GALNT9: variants seen among roughly 807,000 people sequenced by gnomAD.
The protein encoded by GALNT9 is polypeptide N-acetylgalactosaminyltransferase 9, also known as GalNAc transferase 9.
In GALNT9, 47 loss-of-function variants were observed where a neutral mutation model predicts 63.1. The observed-to-expected ratio is 0.75, with a 90% confidence interval of 0.59 to 0.95. GALNT9 has a LOEUF of 0.95. Among genes scored for constraint, GALNT9 ranks in the 40% least tolerant of loss-of-function variants. The pLI, the probability that GALNT9 is intolerant of heterozygous loss-of-function variation, is 0.00. For synonymous variants in GALNT9, 396 were observed against 365.7 expected (o/e 1.08, Z -0.94); for missense variants, 829 against 874.8 (o/e 0.95, Z 0.66).
chr12:132,294,915 A>G (rs1168558583), intron 1 of GALNT9, among the ~76,000 whole-genome samples: 1 of 152,362 alleles, frequency 6.6e-6, no homozygotes, highest in East Asian at 1.9e-4. Context: ...GCGTGGCCTC[A>G]TATCTTCTTT....
At chr12:132,285,336 G>A (rs1237038210) in intron 2 of GALNT9, among the ~76,000 whole-genome samples, 10 of 152,276 alleles carry the variant, frequency 6.6e-5, no homozygotes, top group Admixed American at 3.9e-4. Flanking sequence ...GGACAGAGAC[G>A]CAGGAGGGGC....
chr12:132,225,065 C>A, intron 6 of GALNT9, among the ~76,000 whole-genome samples: 1 of 133,258 alleles, frequency 7.5e-6, no homozygotes, highest in Non-Finnish European at 1.6e-5. Flanking sequence ...TACACACCAC[C>A]CCCCCACACA....
chr12:132,220,439 G>A (rs529095125), intron 6 of GALNT9, among the ~76,000 whole-genome samples: 11 of 152,272 alleles, frequency 7.2e-5, no homozygotes, highest in African/African-American at 2.6e-4. Flanking sequence ...TCAAAAACAT[G>A]AGTTTATGGA....
chr12:132,230,891 T>G (rs1039312498), intron 6 of GALNT9, among the ~76,000 whole-genome samples: 5 of 152,232 alleles, frequency 3.3e-5, no homozygotes, highest in Non-Finnish European at 5.9e-5. Context: ...CAACCTCCAT[T>G]CGGGACGTCT....
At chr12:132,312,865 A>G (rs1566022189) in intron 1 of GALNT9, among the ~76,000 whole-genome samples, 1 of 152,134 alleles carries the variant, frequency 6.6e-6, no homozygotes, top group Non-Finnish European at 1.5e-5. Context: ...CAAGCCAAAG[A>G]TGAGGTTGTC....
rs907010063 is a variant in GALNT9 at position 132,303,346 on chromosome 12, G to A, written c.239-16916C>T. Reference sequence around the variant, plus strand: ...CTGCCCAGAATCCACCACCAAAAACGGAAGCAGAGGAGAGATGAGAAGCAG... The same window carrying A: ...CTGCCCAGAATCCACCACCAAAAACAGAAGCAGAGGAGAGATGAGAAGCAG... On this transcript the variant is annotated intron_variant, in intron 1 of 10. Transcript: ENST00000328957. 1.7e-4 allele frequency among the ~76,000 whole-genome samples: 26 copies of A among 151,456 alleles called. 1 individual carries two copies. The highest frequency in any genetic ancestry group is 3.4e-4 in the Non-Finnish European group (23 of 67,832).
chr12:132,197,674 AC>A, intron 10 of GALNT9, 117 bp downstream of exon 10: 1 of 769,022 alleles, frequency 1.3e-6, no homozygotes, highest in Non-Finnish European at 2.1e-6. Flanking sequence ...TCCCCTGACC[AC>A]CCCCTGCCGC....
intron 2 of GALNT9, among the ~76,000 whole-genome samples, chr12:132,270,220 C>T (rs1555240593): frequency 6.6e-6 from 1 of 152,230 alleles, no homozygotes; most frequent in Non-Finnish European, 1.5e-5. Context: ...CTGAGCTTGG[C>T]AACAGTGAGC....
intron 6 of GALNT9, among the ~76,000 whole-genome samples, chr12:132,211,352 A>C (rs1295454860): frequency 6.6e-6 from 1 of 152,138 alleles, no homozygotes; most frequent in African/African-American, 2.4e-5. Flanking sequence ...AATGCTTCCT[A>C]TTTTGACGAA....
At chr12:132,311,145 T>C (rs1171383920) in intron 1 of GALNT9, among the ~76,000 whole-genome samples, 2 of 152,102 alleles carry the variant, frequency 1.3e-5, no homozygotes, top group African/African-American at 4.8e-5. Context: ...AGGCCAGAAG[T>C]GAAGGGAAAA....
intron 5 of GALNT9, among the ~76,000 whole-genome samples, chr12:132,253,753 T>G (rs1879010852): frequency 1.3e-5 from 2 of 152,124 alleles, no homozygotes; most frequent in South Asian, 4.1e-4. Context: ...AAAAGTGAGG[T>G]GGTTATCCCT....
intron 1 of GALNT9, among the ~76,000 whole-genome samples, chr12:132,291,144 AACCACAGCACCCACG>A (rs1880812719): frequency 2.6e-5 from 1 of 38,944 alleles, no homozygotes; most frequent in African/African-American, 1.4e-4. Flanking sequence ...CAGCACCCAC[AACCACAGCACCCACG>A]TCCACAGCAC....
At chr12:132,261,813 C>T (rs1879399046) in intron 3 of GALNT9, among the ~76,000 whole-genome samples, 1 of 152,222 alleles carries the variant, frequency 6.6e-6, no homozygotes, top group Non-Finnish European at 1.5e-5. Flanking sequence ...AGATGGGGGA[C>T]AGGCCTGGGG....
At chr12:132,199,081 G>T in intron 9 of GALNT9, 93 bp downstream of exon 9, 1 of 808,042 alleles carries the variant, frequency 1.2e-6, no homozygotes, top group Non-Finnish European at 2.0e-6. Flanking sequence ...CACCCCAGCA[G>T]GCTGGACCCG....
intron 1 of GALNT9, among the ~76,000 whole-genome samples, chr12:132,313,779 CAT>C: frequency 1.4e-5 from 2 of 143,004 alleles, no homozygotes; most frequent in African/African-American, 2.7e-5. Flanking sequence ...GCCATCCATC[CAT>C]ACATCCACCC....
At chr12:132,318,348 G>A (rs917973134) in intron 1 of GALNT9, among the ~76,000 whole-genome samples, 5 of 152,256 alleles carry the variant, frequency 3.3e-5, no homozygotes, top group Non-Finnish European at 2.9e-5. Flanking sequence ...CAGAACGAGA[G>A]ACAAGGTGGG....
At chr12:132,304,454 C>T (rs1424189916) in intron 1 of GALNT9, among the ~76,000 whole-genome samples, 9 of 64,374 alleles carry the variant, frequency 1.4e-4, no homozygotes, top group African/African-American at 4.6e-4. Context: ...CACCCTCGCC[C>T]GGGCACAGCC....
At chr12:132,204,989 C>T (rs1448574232) in intron 6 of GALNT9, among the ~76,000 whole-genome samples, 1 of 152,102 alleles carries the variant, frequency 6.6e-6, no homozygotes, top group Non-Finnish European at 1.5e-5. Context: ...TGCCCCGTTC[C>T]CTCCGCGGTG....
chr12:132,327,888 C>A lies in GALNT9; in HGVS notation c.238+1078G>T, dbSNP rs544362687. The stretch of plus-strand genomic sequence containing the variant: ...CCTGAAGGAAACGCAAGACCACCCC[C>A]CGCCTTTGCCCCCACACACAGCAGG... On this transcript the variant is annotated intron_variant, in intron 1 of 10. Coordinates refer to ENST00000328957, the MANE Select transcript of GALNT9 (RefSeq NM_001122636.2). The surrounding 1 kb of genome is among the most constrained non-coding windows in gnomAD (Gnocchi z 4.3). Among the ~76,000 whole-genome samples, 8 of 151,908 alleles carry A rather than the reference C, an allele frequency of 5.3e-5. No homozygotes were observed. Among genetic ancestry groups the A allele is most frequent in the Admixed American group, 1.3e-4 (2 of 15,258 alleles).
Sources: allele counts gnomAD v4.1 joint callset (sites outside exome capture counted in the v4.1 genomes callset), GRCh38; gene constraint gnomAD v4.1.1; non-coding constraint Gnocchi (gnomAD v3.1); transcripts MANE v1.5; gene names NCBI Gene and HGNC (gene_info 2026-07-23, HGNC 2026-07-21).